Variants in LARP4B observed in about 807,000 individuals in gnomAD.
LARP4B encodes the protein La ribonucleoprotein 4B.
LARP4B carries 12 observed loss-of-function variants against 89.8 expected under a neutral mutation model. That is an observed-to-expected ratio of 0.13 (90% confidence interval 0.09 to 0.22). The LOEUF (loss-of-function observed/expected upper bound fraction) is 0.22, where lower values mean the gene tolerates loss of function less well. LARP4B is among the 10% of genes least tolerant of loss of function. The pLI is 1.00. For synonymous variants in LARP4B, 367 were observed against 363.3 expected (o/e 1.01, Z -0.12); for missense variants, 757 against 947.7 (o/e 0.80, Z 2.64).
At chr10:973,939 A>C in the LARP4B span, among the ~76,000 whole-genome samples, 1 of 152,146 alleles carries the variant, frequency 6.6e-6, no homozygotes, top group Non-Finnish European at 1.5e-5. Flanking sequence ...ACTCTGGTCC[A>C]TGACCTTAAG....
At chr10:846,280 C>T (rs1224389951) in intron 5 of LARP4B, among the ~76,000 whole-genome samples, 2 of 152,244 alleles carry the variant, frequency 1.3e-5, no homozygotes, top group Middle Eastern at 3.2e-3. Flanking sequence ...GTGAAGCCAA[C>T]ACTCTGGTGG....
At chr10:962,971 C>T in the LARP4B span, among the ~76,000 whole-genome samples, 1 of 152,156 alleles carries the variant, frequency 6.6e-6, no homozygotes, top group African/African-American at 2.4e-5. Context: ...CTGAGCTTCA[C>T]GTGCACAGAA....
intron 5 of LARP4B, among the ~76,000 whole-genome samples, chr10:860,820 GA>G (rs530986886): frequency 2.0e-5 from 3 of 151,390 alleles, no homozygotes; most frequent in African/African-American, 7.3e-5. Flanking sequence ...TTTTTAAAGA[GA>G]AAAAAAATCT....
At chr10:850,761 C>T (rs1834004636) in intron 5 of LARP4B, among the ~76,000 whole-genome samples, 1 of 152,010 alleles carries the variant, frequency 6.6e-6, no homozygotes, top group Non-Finnish European at 1.5e-5. Flanking sequence ...TCAAGTCATA[C>T]AAAGTATGTT....
chr10:971,618 A>G, the LARP4B span: 1 of 152,182 alleles, frequency 6.6e-6, no homozygotes, highest in Non-Finnish European at 1.5e-5. Flanking sequence ...TCCTGCTAAT[A>G]ACGATGATAG....
intron 5 of LARP4B, among the ~76,000 whole-genome samples, chr10:851,309 G>A (rs773131473): frequency 3.3e-5 from 5 of 150,864 alleles, no homozygotes; most frequent in African/African-American, 4.9e-5. Flanking sequence ...TCAGCCTCCC[G>A]AGGAGCTGGG....
intron 3 of LARP4B, among the ~76,000 whole-genome samples, chr10:883,841 G>A (rs1357277799): frequency 1.3e-5 from 2 of 151,242 alleles, no homozygotes; most frequent in Non-Finnish European, 2.9e-5. Flanking sequence ...ATAATGGGGG[G>A]GGAATAGATG....
intron 5 of LARP4B, 63 bp from the exon 6 acceptor site, chr10:845,118 G>T: frequency 1.7e-6 from 2 of 1,194,358 alleles, no homozygotes; most frequent in Non-Finnish European, 1.2e-6. Flanking sequence ...AGATAATTCA[G>T]TACAGCAGTT....
chr10:927,516 G>C (rs1283818601), intron 1 of LARP4B, among the ~76,000 whole-genome samples: 2 of 152,206 alleles, frequency 1.3e-5, no homozygotes, highest in Admixed American at 6.5e-5. Flanking sequence ...TCTAGAAGTA[G>C]AGTAGTTACA....
the LARP4B span, among the ~76,000 whole-genome samples, chr10:962,304 A>G: frequency 6.6e-6 from 1 of 151,452 alleles, no homozygotes; most frequent in African/African-American, 2.4e-5. Flanking sequence ...TCTCCAAAAA[A>G]AAAAAAAAAA....
At chr10:873,992 G>T (rs1175962299) in intron 3 of LARP4B, among the ~76,000 whole-genome samples, 1 of 152,224 alleles carries the variant, frequency 6.6e-6, no homozygotes, top group Non-Finnish European at 1.5e-5. Flanking sequence ...AGCACTTTGG[G>T]AGGCCGAGGT....
At chr10:961,940 G>A in the LARP4B span, among the ~76,000 whole-genome samples, 1 of 152,052 alleles carries the variant, frequency 6.6e-6, no homozygotes, top group African/African-American at 2.4e-5. Flanking sequence ...TTCTCCCTGT[G>A]TCTTCCTTTC....
At position 863,792 on chromosome 10, in the gene LARP4B, G is replaced by A. The variant is rs761532757; in HGVS notation, c.381C>T (p.Leu127=). 7.4e-6 allele frequency: 12 copies of A among 1,613,946 alleles called. No homozygotes were observed. The highest frequency in any genetic ancestry group is 2.7e-5 in the African/African-American group (2 of 74,908). The part of the protein sequence containing the change: ...QESDPADMNA[L]ALGPSEYDSL... The stretch of plus-strand genomic sequence containing the variant: ...AGTCATATTCTGAGGGACCCAGAGC[G>A]AGAGCGTTCATGTCTGCTGGGTCCG... The change falls in exon 5 of 18, where the codon CTC becomes CTT. Residue 127 remains leucine, a synonymous_variant. Transcript: ENST00000316157.
intron 5 of LARP4B, among the ~76,000 whole-genome samples, chr10:850,279 T>C (rs1833974646): frequency 6.6e-6 from 1 of 152,228 alleles, no homozygotes; most frequent in African/African-American, 2.4e-5. Context: ...TGTTATGTTA[T>C]CTACAACAAA....
At chr10:859,657 A>G (rs1049494858) in intron 5 of LARP4B, among the ~76,000 whole-genome samples, 2 of 152,226 alleles carry the variant, frequency 1.3e-5, no homozygotes, top group Non-Finnish European at 2.9e-5. Flanking sequence ...ATGACTAAGT[A>G]ATTTGTAGTA....
chr10:844,312 G>A (rs10904575), intron 6 of LARP4B, among the ~76,000 whole-genome samples: 57,760 of 152,076 alleles, frequency 0.38, 11,496 homozygotes, highest in South Asian at 0.6. Flanking sequence ...GACTCCAATC[G>A]TGGAACAGCA....
chr10:814,306 G>A lies in LARP4B; in HGVS notation c.1929+436C>T, dbSNP rs1831902053. On this transcript the variant is annotated intron_variant, in intron 17 of 17. Coordinates refer to ENST00000316157, the MANE Select transcript of LARP4B (RefSeq NM_015155.3). This position sits in a 1 kb window ranked among gnomAD's most constrained non-coding sequence, Gnocchi z 4.4. Reference sequence around the variant, plus strand: ...TAGGGAAAACAGCAGAAAGGAAGTCGCTGGGGTTCAGGCCTGCTGGGCCCA... The same window carrying A: ...TAGGGAAAACAGCAGAAAGGAAGTCACTGGGGTTCAGGCCTGCTGGGCCCA... 2 of 277,096 alleles carry A rather than the reference G, an allele frequency of 7.2e-6. No individual in the cohort carries two copies. The highest frequency in any genetic ancestry group is 1.5e-3 in the Middle Eastern group (1 of 686). The allele number at this position is 277,096 out of a possible 1,614,324, so 17.2% of individuals were successfully genotyped here.
At chr10:858,082 T>A (rs1422469039) in intron 5 of LARP4B, among the ~76,000 whole-genome samples, 1 of 152,142 alleles carries the variant, frequency 6.6e-6, no homozygotes. Flanking sequence ...AAATTAAAAA[T>A]TTTTTAAGCT....
chr10:823,809 G>A (rs951000433), intron 13 of LARP4B, among the ~76,000 whole-genome samples: 1 of 152,068 alleles, frequency 6.6e-6, no homozygotes, highest in Admixed American at 6.5e-5. Flanking sequence ...TCCATGACAC[G>A]GTGGGCCCCT....
Sources: allele counts gnomAD v4.1 joint callset (sites outside exome capture counted in the v4.1 genomes callset), GRCh38; gene constraint gnomAD v4.1.1; non-coding constraint Gnocchi (gnomAD v3.1); transcripts MANE v1.5; gene names NCBI Gene and HGNC (gene_info 2026-07-23, HGNC 2026-07-21).